Variants in ITGBL1 observed in about 807,000 individuals in gnomAD.
ITGBL1 encodes the protein integrin beta-like protein 1.
In ITGBL1, 51 loss-of-function variants were observed where a neutral mutation model predicts 68.5. The ratio of observed to expected loss-of-function variants is 0.74; its 90% confidence interval spans 0.59 to 0.94. The LOEUF (loss-of-function observed/expected upper bound fraction) is 0.94, where lower values mean the gene tolerates loss of function less well. ITGBL1 is among the 40% of genes least tolerant of loss of function. ITGBL1 has a pLI of 0.00. For synonymous variants in ITGBL1, 209 were observed against 227.3 expected (o/e 0.92, Z 0.72); for missense variants, 649 against 647.4 (o/e 1.00, Z -0.03).
At chr13:101,636,600 C>T (rs930617807) in intron 7 of ITGBL1, among the ~76,000 whole-genome samples, 29 of 152,078 alleles carry the variant, frequency 1.9e-4, no homozygotes, top group Non-Finnish European at 7.4e-5. Flanking sequence ...TATTGACTTT[C>T]GTTGGAGACA....
chr13:101,705,319 CA>C (rs1329378993), intron 8 of ITGBL1, among the ~76,000 whole-genome samples: 37 of 132,756 alleles, frequency 2.8e-4, no homozygotes, highest in Admixed American at 1.0e-3. Flanking sequence ...ACAACAACAA[CA>C]AAAAAAAATA....
chr13:101,465,798 G>A (rs946529616), intron 2 of ITGBL1, among the ~76,000 whole-genome samples: 6 of 152,206 alleles, frequency 3.9e-5, no homozygotes, highest in African/African-American at 1.4e-4. Flanking sequence ...GCAGTTTGTA[G>A]GGGCTCAGTA....
chr13:101,454,120 T>TCCTC lies in ITGBL1; in HGVS notation c.316+25_316+28dup. ...GTGCAGGTAAGAGGGCGGCGCTGTC[T>TCCTC]CCTCCCTCGGGAGGTCGAAACTCCT... On this transcript the variant is annotated intron_variant, in intron 2 of 10. Coordinates refer to ENST00000376180, the MANE Select transcript of ITGBL1 (RefSeq NM_004791.3). 6.7e-7 allele frequency: 1 copy of TCCTC among 1,499,848 alleles called. No homozygotes were observed. The highest frequency in any genetic ancestry group is 1.4e-5 in the African/African-American group (1 of 71,252). 92.9% of individuals were successfully genotyped at this position (1,499,848 alleles called of 1,614,324 possible).
intron 7 of ITGBL1, among the ~76,000 whole-genome samples, chr13:101,614,019 T>C (rs184412127): frequency 6.5e-5 from 8 of 122,528 alleles, no homozygotes; most frequent in African/African-American, 2.6e-4. Context: ...CTTTGTTGAA[T>C]AGGGATAGGA....
At chr13:101,598,764 C>A (rs934174865) in intron 7 of ITGBL1, among the ~76,000 whole-genome samples, 1 of 152,156 alleles carries the variant, frequency 6.6e-6, no homozygotes, top group African/African-American at 2.4e-5. Flanking sequence ...AGGACATGAA[C>A]TCATCCTTTT....
chr13:101,543,749 G>A (rs982866791), intron 2 of ITGBL1, among the ~76,000 whole-genome samples: 1 of 152,120 alleles, frequency 6.6e-6, no homozygotes, highest in African/African-American at 2.4e-5. Context: ...TGGAGGATTT[G>A]TTCATTTCTT....
At chr13:101,490,379 T>A (rs552369231) in intron 2 of ITGBL1, among the ~76,000 whole-genome samples, 18 of 152,336 alleles carry the variant, frequency 1.2e-4, no homozygotes, top group African/African-American at 3.8e-4. Flanking sequence ...TTTTATGGTA[T>A]TTTTGTTGTA....
At position 101,600,255 on chromosome 13, in the gene ITGBL1, T is replaced by C. The variant is rs1336354662; in HGVS notation, c.1015+1956T>C. On this transcript the variant is annotated intron_variant, in intron 7 of 10. Coordinates refer to ENST00000376180, the MANE Select transcript of ITGBL1 (RefSeq NM_004791.3). Reference sequence around the variant, plus strand: ...TCTCTGTTTGTCTGTTGTTGGTGTATAAGAATGCTTGTGATTTTTGCACAT... The same window carrying C: ...TCTCTGTTTGTCTGTTGTTGGTGTACAAGAATGCTTGTGATTTTTGCACAT... Among the ~76,000 whole-genome samples the C allele has an allele frequency of 3.5e-4, 54 of 152,274 alleles. No individual in the cohort carries two copies. In the South Asian group the frequency reaches 0.011, roughly 31 times the overall value.
chr13:101,466,484 A>G (rs2048383293), intron 2 of ITGBL1, among the ~76,000 whole-genome samples: 1 of 152,200 alleles, frequency 6.6e-6, no homozygotes, highest in South Asian at 2.1e-4. Flanking sequence ...CTACTTGGCC[A>G]TTAAGACATT....
chr13:101,716,487 A>T (rs1298898142), downstream of ITGBL1: 2 of 152,162 alleles, frequency 1.3e-5, no homozygotes, highest in African/African-American at 4.8e-5. Context: ...TTAAAAATGA[A>T]TTGTTATTCA....
intron 2 of ITGBL1, among the ~76,000 whole-genome samples, chr13:101,464,284 G>T (rs9585702): frequency 0.066 from 9,998 of 151,836 alleles, 985 homozygotes; most frequent in African/African-American, 0.21. Context: ...TCACATTTCT[G>T]TTTTTTTATT....
chr13:101,541,697 G>T (rs1374538758), intron 2 of ITGBL1, among the ~76,000 whole-genome samples: 1 of 152,032 alleles, frequency 6.6e-6, no homozygotes, highest in East Asian at 1.9e-4. Flanking sequence ...ACTTTTTTTT[G>T]GTTGGTAAGC....
chr13:101,667,355 ACT>A (rs2033246473), intron 7 of ITGBL1, among the ~76,000 whole-genome samples: 3 of 151,924 alleles, frequency 2.0e-5, no homozygotes, highest in Admixed American at 6.6e-5. Context: ...TGGAAGAGAA[ACT>A]CTCTGCTGCA....
At chr13:101,591,068 A>G (rs920561421) in intron 6 of ITGBL1, among the ~76,000 whole-genome samples, 1 of 152,050 alleles carries the variant, frequency 6.6e-6, no homozygotes, top group Non-Finnish European at 1.5e-5. Context: ...ATGCCCAGCT[A>G]ATTTTTGTAT....
At chr13:101,680,411 C>T (rs1161959704) in intron 7 of ITGBL1, among the ~76,000 whole-genome samples, 1 of 151,728 alleles carries the variant, frequency 6.6e-6, no homozygotes, top group Non-Finnish European at 1.5e-5. Context: ...TGGTTTTTAT[C>T]ATTTTAAAAA....
chr13:101,479,438 C>T (rs1380775054), intron 2 of ITGBL1, among the ~76,000 whole-genome samples: 1 of 151,882 alleles, frequency 6.6e-6, no homozygotes, highest in Admixed American at 6.6e-5. Context: ...CACAGGCAAC[C>T]AAAGCAAAAA....
intron 9 of ITGBL1, among the ~76,000 whole-genome samples, chr13:101,708,066 C>CACAT (rs1162394990): frequency 6.7e-6 from 1 of 148,660 alleles, no homozygotes; most frequent in African/African-American, 2.6e-5. Flanking sequence ...CACACACACA[C>CACAT]ACATACACAC....
At chr13:101,605,405 T>C (rs923395273) in intron 7 of ITGBL1, among the ~76,000 whole-genome samples, 2 of 139,110 alleles carry the variant, frequency 1.4e-5, no homozygotes, top group African/African-American at 5.5e-5. Flanking sequence ...TATGTGTGTA[T>C]ATGCGTATAT....
chr13:101,661,273 C>G (rs896668880), intron 7 of ITGBL1, among the ~76,000 whole-genome samples: 3 of 152,076 alleles, frequency 2.0e-5, no homozygotes, highest in Non-Finnish European at 4.4e-5. Flanking sequence ...TCGAGCTTAT[C>G]CTAAACTCCG....
Sources: allele counts gnomAD v4.1 joint callset (sites outside exome capture counted in the v4.1 genomes callset), GRCh38; gene constraint gnomAD v4.1.1; transcripts MANE v1.5; gene names NCBI Gene and HGNC (gene_info 2026-07-23, HGNC 2026-07-21).